Variants in CSPP1 observed in about 807,000 individuals in gnomAD.
CSPP1 encodes centrosome and spindle pole-associated protein 1.
Under a neutral mutation model 164.4 loss-of-function variants are expected in CSPP1, and 126 were observed. The ratio of observed to expected loss-of-function variants is 0.77; its 90% confidence interval spans 0.66 to 0.89. The LOEUF (loss-of-function observed/expected upper bound fraction) is 0.89, where lower values mean the gene tolerates loss of function less well. Ranked by LOEUF, CSPP1 falls within the 40% of genes least tolerant of loss-of-function variation. CSPP1 has a pLI of 0.00. For missense variants in CSPP1, 1,395 were observed against 1,449.8 expected (o/e 0.96, Z 0.61); for synonymous variants, 472 against 476.7 (o/e 0.99, Z 0.13).
At chr8:67,071,851 G>A (rs537255869) in intron 1 of CSPP1, among the ~76,000 whole-genome samples, 1 of 152,188 alleles carries the variant, frequency 6.6e-6, no homozygotes, top group South Asian at 2.1e-4. Flanking sequence ...CTATTCATAT[G>A]CAAAAAAGTT....
At chr8:67,187,264 CA>C in intron 28 of CSPP1, among the ~76,000 whole-genome samples, 1 of 152,214 alleles carries the variant, frequency 6.6e-6, no homozygotes, top group East Asian at 1.9e-4. Flanking sequence ...ATAGCCAGCA[CA>C]ATGTTTAAAG....
chr8:67,111,562 C>T (rs1481577751), intron 9 of CSPP1, among the ~76,000 whole-genome samples: 1 of 151,972 alleles, frequency 6.6e-6, no homozygotes, highest in Non-Finnish European at 1.5e-5. Context: ...TTTTGAGGCT[C>T]CAGTATTGGG....
At chr8:67,172,856 C>A in intron 25 of CSPP1, 1 of 202,846 alleles carries the variant, frequency 4.9e-6, no homozygotes, top group Non-Finnish European at 9.8e-6. Context: ...GATGGACAGA[C>A]AAAGATGAGC....
intron 7 of CSPP1, among the ~76,000 whole-genome samples, chr8:67,097,114 A>G (rs1812970713): frequency 6.6e-6 from 1 of 152,198 alleles, no homozygotes; most frequent in Non-Finnish European, 1.5e-5. Flanking sequence ...GGAGATAGGA[A>G]TACCTCAGGG....
At chr8:67,098,831 AG>A (rs1353476032) in intron 7 of CSPP1, among the ~76,000 whole-genome samples, 1 of 152,062 alleles carries the variant, frequency 6.6e-6, no homozygotes, top group African/African-American at 2.4e-5. Context: ...CAAAGAAACC[AG>A]GTACAGAGTA....
chr8:67,136,947 G>A (rs1005280790), intron 16 of CSPP1, among the ~76,000 whole-genome samples: 7 of 151,806 alleles, frequency 4.6e-5, no homozygotes, highest in African/African-American at 1.7e-4. Flanking sequence ...GAGGAACAGG[G>A]GCTATGTATT....
chr8:67,152,198 C>T (rs1164055094), intron 18 of CSPP1, among the ~76,000 whole-genome samples: 4 of 151,708 alleles, frequency 2.6e-5, no homozygotes, highest in Non-Finnish European at 5.9e-5. Context: ...TGTATGAGTG[C>T]ATGTATGTGT....
intron 7 of CSPP1, chr8:67,099,409 C>T (rs900216512): frequency 6.6e-6 from 1 of 152,032 alleles, no homozygotes; most frequent in Non-Finnish European, 1.5e-5. Context: ...AGATAGATTA[C>T]TTTTGGGTCA....
chr8:67,069,387 A>G (rs1028165032), intron 1 of CSPP1, among the ~76,000 whole-genome samples: 1 of 152,316 alleles, frequency 6.6e-6, no homozygotes, highest in East Asian at 1.9e-4. Context: ...GTTTAAAAGT[A>G]TGTTTTATTT....
chr8:67,073,647 GA>G (rs1328546572), intron 1 of CSPP1, among the ~76,000 whole-genome samples: 3 of 152,158 alleles, frequency 2.0e-5, no homozygotes, highest in Non-Finnish European at 4.4e-5. Flanking sequence ...TAATTATGTT[GA>G]GGTTATATAA....
chr8:67,131,991 C>T lies in CSPP1; in HGVS notation c.1738C>T (p.Gln580Ter). ...GAATGAACTGAAGATTACAAGTGAT[C>T]AAGTGATAAATTCAGGATTGATTTT... ...GQNELKITSD[Q>*]VINSGLIFED... is the part of the protein sequence containing the mutation. The change falls in exon 16 of 31, where the codon CAA becomes TAA. Residue 580 changes from glutamine to a stop codon, truncating the protein, a stop_gained. Coordinates refer to ENST00000678616, the MANE Select transcript of CSPP1 (RefSeq NM_001382391.1). LOFTEE classifies it high-confidence loss of function. 1.2e-6 allele frequency: 2 copies of T among 1,612,984 alleles called. No individual in the cohort carries two copies. Among genetic ancestry groups the T allele is most frequent in the African/African-American group, 2.7e-5 (2 of 75,006 alleles).
chr8:67,153,171 C>T (rs983814625), intron 18 of CSPP1, among the ~76,000 whole-genome samples: 7 of 152,094 alleles, frequency 4.6e-5, no homozygotes, highest in African/African-American at 9.7e-5. Context: ...CACTGCACTC[C>T]AGCCTGGGTG....
At chr8:67,118,695 A>G (rs1818401479) in intron 14 of CSPP1, 48 bp from the exon 15 acceptor site, 9 of 1,253,828 alleles carry the variant, frequency 7.2e-6, no homozygotes, top group Non-Finnish European at 9.0e-6. Flanking sequence ...ATATTATTAA[A>G]TGATTATTCT....
At chr8:67,151,360 A>G (rs1159291179) in intron 18 of CSPP1, among the ~76,000 whole-genome samples, 1 of 152,144 alleles carries the variant, frequency 6.6e-6, no homozygotes, top group Admixed American at 6.5e-5. Context: ...TGCTGCTAAG[A>G]GAATTTTGAC....
At chr8:67,167,263 T>TG (rs1344776955) in intron 24 of CSPP1, among the ~76,000 whole-genome samples, 3 of 151,586 alleles carry the variant, frequency 2.0e-5, no homozygotes, top group Non-Finnish European at 4.4e-5. Context: ...GGGTGGCGGC[T>TG]GGGCAGAGGG....
intron 23 of CSPP1, 146 bp from the exon 24 acceptor site, chr8:67,164,245 G>A: frequency 1.8e-6 from 1 of 570,472 alleles, no homozygotes; most frequent in South Asian, 2.4e-5. Context: ...ATCCATGTAT[G>A]TGTGTATATA....
intron 1 of CSPP1, among the ~76,000 whole-genome samples, chr8:67,071,729 A>G (rs1806825933): frequency 1.3e-5 from 2 of 152,274 alleles, no homozygotes; most frequent in South Asian, 4.1e-4. Flanking sequence ...TTTTTTGTCT[A>G]CGTACCCAAT....
intron 28 of CSPP1, among the ~76,000 whole-genome samples, chr8:67,186,403 C>T (rs1345510634): frequency 3.6e-5 from 5 of 137,868 alleles, no homozygotes; most frequent in Non-Finnish European, 7.6e-5. Context: ...TGAAATAAAC[C>T]TCACTGTTTT....
At chr8:67,140,309 TC>T (rs779902405) in intron 17 of CSPP1, among the ~76,000 whole-genome samples, 16 of 152,164 alleles carry the variant, frequency 1.1e-4, no homozygotes, top group Admixed American at 3.3e-4. Context: ...GGTCTCAAAC[TC>T]CTGACCTCAG....
Sources: allele counts gnomAD v4.1 joint callset (sites outside exome capture counted in the v4.1 genomes callset), GRCh38; gene constraint gnomAD v4.1.1; transcripts MANE v1.5; gene names NCBI Gene and HGNC (gene_info 2026-07-23, HGNC 2026-07-21).